The following SGPP2 variants were observed in gnomAD, a reference collection of about 807,000 sequenced individuals.
The protein encoded by SGPP2 is sphingosine-1-phosphate phosphatase 2.
Under a neutral mutation model 33.9 loss-of-function variants are expected in SGPP2, and 30 were observed. That is an observed-to-expected ratio of 0.89 (90% CI 0.66 to 1.20). The LOEUF (loss-of-function observed/expected upper bound fraction) is 1.20. Among genes scored for constraint, SGPP2 ranks in the 50% most tolerant of loss-of-function variants. The pLI is 0.00. For missense variants in SGPP2, 458 were observed against 532.1 expected (o/e 0.86, Z 1.37); for synonymous variants, 233 against 225.0 (o/e 1.04, Z -0.32).
intron 2 of SGPP2, among the ~76,000 whole-genome samples, chr2:222,512,764 C>G (rs1392274873): frequency 6.6e-6 from 1 of 152,162 alleles, no homozygotes; most frequent in Non-Finnish European, 1.5e-5. Flanking sequence ...CTTTCACTTA[C>G]TGATATATAT....
intron 2 of SGPP2, among the ~76,000 whole-genome samples, chr2:222,518,794 C>T (rs1698642559): frequency 6.6e-6 from 1 of 152,178 alleles, no homozygotes; most frequent in African/African-American, 2.4e-5. Flanking sequence ...GCTTTATAGC[C>T]TGTGGATTTG....
chr2:222,455,217 TA>T (rs5838951), intron 1 of SGPP2, among the ~76,000 whole-genome samples: 11,067 of 146,924 alleles, frequency 0.075, 388 homozygotes, highest in South Asian at 0.089. Context: ...CCAATCTCTT[TA>T]AAAAAAAAAA....
At chr2:222,454,171 A>G (rs545172734) in intron 1 of SGPP2, among the ~76,000 whole-genome samples, 14 of 152,220 alleles carry the variant, frequency 9.2e-5, no homozygotes, top group African/African-American at 1.2e-4. Flanking sequence ...TTTTTTGCCA[A>G]TACAAACAGA....
rs1689521180 is a variant in SGPP2 at position 222,560,691 on chromosome 2, T to C, written c.*1793T>C. The C allele has an allele frequency of 6.6e-6, 1 of 152,234 alleles. No individual in the cohort carries two copies. Among genetic ancestry groups the C allele is most frequent in the Admixed American group, 6.5e-5 (1 of 15,282 alleles). 9.4% of individuals were successfully genotyped at this position (152,234 alleles called of 1,614,324 possible). ...ACTCTAGAAAAAAAAATAGCTTCCT[T>C]AAAAGTTACAGAGGCTCTTAACGTG... is the stretch of plus-strand genomic sequence containing the variant. On this transcript the variant is annotated 3_prime_UTR_variant, in exon 5 of 5. Transcript: ENST00000321276.
chr2:222,425,146 G>A (rs1184986293), intron 1 of SGPP2, among the ~76,000 whole-genome samples: 1 of 152,336 alleles, frequency 6.6e-6, no homozygotes, highest in East Asian at 1.9e-4. Flanking sequence ...TGGAACGGAG[G>A]AGCGGGGATG....
rs556239846 is a variant in SGPP2 at position 222,462,886 on chromosome 2, G to A, written c.220-11682G>A. Among the ~76,000 whole-genome samples, 117 of 152,208 alleles carry A rather than the reference G, an allele frequency of 7.7e-4. 1 individual carries two copies. The highest frequency in any genetic ancestry group is 2.8e-3 in the African/African-American group (116 of 41,544). Reference sequence around the variant, plus strand: ...GAGCACAAAGCAAGCAGGGTCGGAGGAGGTAGTCTGGGTGGGAAGGACCAT... The same window carrying A: ...GAGCACAAAGCAAGCAGGGTCGGAGAAGGTAGTCTGGGTGGGAAGGACCAT... On this transcript the variant is annotated intron_variant, in intron 1 of 4. Coordinates refer to ENST00000321276, the MANE Select transcript of SGPP2 (RefSeq NM_152386.4).
In SGPP2 at chr2:222,434,920, T is replaced by C. The variant is rs547868461; in HGVS notation, c.219+10099T>C. ...AAATGGAAGGAGCCTCTGTTAGAAG[T>C]TGGTTTGTATATTAGGGTTCTCTAG... On this transcript the variant is annotated intron_variant, in intron 1 of 4. Coordinates refer to ENST00000321276, the MANE Select transcript of SGPP2 (RefSeq NM_152386.4). Among the ~76,000 whole-genome samples the C allele has an allele frequency of 2.2e-4, 34 of 151,380 alleles. No homozygotes were observed. In the East Asian group the frequency reaches 6.6e-3, roughly 30 times the overall value.
At chr2:222,498,239 G>A (rs897831760) in intron 2 of SGPP2, 2 of 152,124 alleles carry the variant, frequency 1.3e-5, no homozygotes, top group African/African-American at 4.8e-5. Flanking sequence ...AGCAGAGGTT[G>A]GATGAGGTGC....
Position 222,486,913 on chromosome 2 carries a change from TA to T in SGPP2, c.378+12192del, listed in dbSNP as rs938386813. Reference sequence around the variant, plus strand: ...TTTGTGGGTAGTAAACCACATTAATTAAAAATTTTAAATTTTTAAAAATTAA... The same window carrying T: ...TTTGTGGGTAGTAAACCACATTAATTAAAATTTTAAATTTTTAAAAATTAA... On this transcript the variant is annotated intron_variant, in intron 2 of 4. Coordinates refer to ENST00000321276, the MANE Select transcript of SGPP2 (RefSeq NM_152386.4). 1.9e-4 allele frequency among the ~76,000 whole-genome samples: 29 copies of T among 152,334 alleles called. 1 individual carries two copies. The highest frequency in any genetic ancestry group is 6.7e-4 in the African/African-American group (28 of 41,586).
At chr2:222,488,652 A>G (rs890774740) in intron 2 of SGPP2, among the ~76,000 whole-genome samples, 2 of 151,968 alleles carry the variant, frequency 1.3e-5, no homozygotes, top group Admixed American at 6.5e-5. Context: ...CCCAAAGGGT[A>G]TGGAATTCCA....
intron 1 of SGPP2, among the ~76,000 whole-genome samples, chr2:222,450,398 CTTCTT>C: frequency 6.6e-6 from 1 of 152,348 alleles, no homozygotes; most frequent in South Asian, 2.1e-4. Context: ...TCATCTTTCT[CTTCTT>C]TTATCTTTCC....
At chr2:222,517,750 C>T (rs2106130415) in intron 2 of SGPP2, among the ~76,000 whole-genome samples, 1 of 152,340 alleles carries the variant, frequency 6.6e-6, no homozygotes, top group East Asian at 1.9e-4. Flanking sequence ...GCTCCCTGCA[C>T]CCTGCCCGTC....
At chr2:222,437,719 C>T (rs541951470) in intron 1 of SGPP2, among the ~76,000 whole-genome samples, 15 of 152,322 alleles carry the variant, frequency 9.8e-5, no homozygotes, top group South Asian at 2.1e-4. Context: ...CAGTTCATGA[C>T]GGGCAGTTCA....
intron 1 of SGPP2, among the ~76,000 whole-genome samples, chr2:222,455,217 T>TA (rs5838951): frequency 0.69 from 100,575 of 146,790 alleles, 34,417 homozygotes; most frequent in Middle Eastern, 0.79. Flanking sequence ...CCAATCTCTT[T>TA]AAAAAAAAAA....
At chr2:222,429,451 G>A (rs902247971) in intron 1 of SGPP2, among the ~76,000 whole-genome samples, 14 of 152,156 alleles carry the variant, frequency 9.2e-5, no homozygotes, top group African/African-American at 2.9e-4. Context: ...GAGATAGTTC[G>A]AAAGAATATA....
intron 4 of SGPP2, among the ~76,000 whole-genome samples, chr2:222,548,128 A>G (rs1400063805): frequency 2.0e-5 from 3 of 152,244 alleles, no homozygotes; most frequent in African/African-American, 7.2e-5. Flanking sequence ...ATAAAAATCT[A>G]CCAGCTAACC....
At chr2:222,438,454 G>A (rs1451761763) in intron 1 of SGPP2, among the ~76,000 whole-genome samples, 2 of 152,252 alleles carry the variant, frequency 1.3e-5, no homozygotes, top group African/African-American at 2.4e-5. Flanking sequence ...CACAAAGCCG[G>A]AGAGTTGATA....
chr2:222,466,805 T>C (rs57326710), intron 1 of SGPP2, among the ~76,000 whole-genome samples: 1,951 of 152,280 alleles, frequency 0.013, 37 homozygotes, highest in African/African-American at 0.044. Flanking sequence ...AGGCAAGAAG[T>C]GCAGTAGCAT....
At chr2:222,467,319 T>C (rs1319036672) in intron 1 of SGPP2, among the ~76,000 whole-genome samples, 2 of 152,184 alleles carry the variant, frequency 1.3e-5, no homozygotes, top group African/African-American at 4.8e-5. Context: ...ACCCCCACCA[T>C]CATCATCGTC....
Sources: gnomAD v4.1 joint callset for allele counts (sites outside exome capture counted in the v4.1 genomes callset) on GRCh38, gnomAD v4.1.1 for gene constraint, MANE v1.5 for transcripts, NCBI Gene and HGNC (gene_info 2026-07-23, HGNC 2026-07-21) for gene names.